The following ATP10B variants were observed in gnomAD, a reference collection of about 807,000 sequenced individuals.
The protein encoded by ATP10B is phospholipid-transporting ATPase VB.
A neutral mutation model predicts 141.2 loss-of-function variants in ATP10B; 122 were observed. The ratio of observed to expected loss-of-function variants is 0.86; its 90% CI spans 0.75 to 1.00. The LOEUF (loss-of-function observed/expected upper bound fraction) is 1.00. Among genes scored for constraint, ATP10B ranks in the 50% least tolerant of loss-of-function variants. The pLI is 0.00. For synonymous variants in ATP10B, 685 were observed against 692.0 expected (o/e 0.99, Z 0.16); for missense variants, 1,876 against 1,825.3 (o/e 1.03, Z -0.51).
At chr5:160,581,687 C>A (rs1225204898) in intron 24 of ATP10B, among the ~76,000 whole-genome samples, 2 of 152,180 alleles carry the variant, frequency 1.3e-5, no homozygotes, top group Non-Finnish European at 2.9e-5. Flanking sequence ...GAGCTGAGTT[C>A]AAGTCCTGAA....
chr5:160,627,472 T>C (rs1362671988), intron 13 of ATP10B, among the ~76,000 whole-genome samples: 2 of 152,234 alleles, frequency 1.3e-5, no homozygotes, highest in Non-Finnish European at 2.9e-5. Context: ...TAAAGAAATG[T>C]AGACACTGGC....
intron 16 of ATP10B, among the ~76,000 whole-genome samples, chr5:160,616,642 C>A (rs1054316106): frequency 6.6e-6 from 1 of 152,174 alleles, no homozygotes; most frequent in South Asian, 2.1e-4. Flanking sequence ...CCATTTTAGA[C>A]CCTCCTGTTG....
At chr5:160,814,482 A>G (rs187773159) in intron 1 of ATP10B, among the ~76,000 whole-genome samples, 2 of 151,412 alleles carry the variant, frequency 1.3e-5, no homozygotes, top group Admixed American at 6.6e-5. Context: ...ATATGGGACT[A>G]TGTGAAAAGA....
intron 10 of ATP10B, 51 bp downstream of exon 10, chr5:160,640,410 G>A: frequency 6.3e-7 from 1 of 1,584,858 alleles, no homozygotes; most frequent in East Asian, 2.3e-5. Flanking sequence ...GAAGAAACTT[G>A]CCCAAATAAA....
intron 18 of ATP10B, among the ~76,000 whole-genome samples, chr5:160,607,398 A>G (rs146856216): frequency 9.2e-5 from 14 of 152,344 alleles, no homozygotes; most frequent in African/African-American, 3.1e-4. Flanking sequence ...GTAGATAATG[A>G]CAATACGTCA....
chr5:160,839,005 C>G (rs994123083), intron 1 of ATP10B, among the ~76,000 whole-genome samples: 1 of 152,186 alleles, frequency 6.6e-6, no homozygotes, highest in African/African-American at 2.4e-5. Context: ...CAAGCTCCTG[C>G]TTTGCCTTCC....
chr5:160,652,921 A>AATATATTATATATACATGTAT (rs1760946393), intron 7 of ATP10B, among the ~76,000 whole-genome samples: 4 of 80,880 alleles, frequency 4.9e-5, no homozygotes, highest in South Asian at 6.9e-4. Context: ...ATGTATATAT[A>AATATATTATATATACATGTAT]ATATATTATA....
chr5:160,924,921 G>A, the ATP10B span, among the ~76,000 whole-genome samples: 1 of 152,180 alleles, frequency 6.6e-6, no homozygotes. Context: ...TTGTGTGGTT[G>A]CCTGCCCACA....
At chr5:160,602,728 G>A in intron 20 of ATP10B, 26 bp from the exon 21 acceptor site, 3 of 1,613,026 alleles carry the variant, frequency 1.9e-6, no homozygotes, top group Non-Finnish European at 2.5e-6. Context: ...AGACACATCA[G>A]CTTCCATCCA....
intron 13 of ATP10B, 76 bp from the exon 14 acceptor site, chr5:160,622,661 G>T: frequency 7.4e-7 from 1 of 1,354,718 alleles, no homozygotes; most frequent in South Asian, 1.3e-5. Context: ...CATGCCTGGG[G>T]AAAGGATGAT....
At chr5:160,891,093 C>T in the ATP10B span, among the ~76,000 whole-genome samples, 1,903 of 152,186 alleles carry the variant, frequency 0.013, 41 homozygotes, top group African/African-American at 0.044. Flanking sequence ...TGGAATTGTA[C>T]TGTAGTTCTC....
At chr5:160,887,323 A>G in the ATP10B span, among the ~76,000 whole-genome samples, 11 of 152,346 alleles carry the variant, frequency 7.2e-5, no homozygotes, top group African/African-American at 2.6e-4. Context: ...ATGTTATATA[A>G]ATAGTTGTTA....
chr5:160,874,006 A>G, the ATP10B span, among the ~76,000 whole-genome samples: 5 of 152,232 alleles, frequency 3.3e-5, no homozygotes, highest in African/African-American at 1.2e-4. Flanking sequence ...AAAGCAGCCC[A>G]GAAGTTCGAA....
chr5:160,688,907 G>T lies in ATP10B; in HGVS notation c.-168C>A. ...TAGATGGCTGGAGTTGGGGATAGGG[G>T]ATCCCTTTTCTTTTTCTCCACTCCA... On this transcript the variant is annotated 5_prime_UTR_variant, in exon 4 of 26. Transcript: ENST00000327245. 2.0e-6 allele frequency: 2 copies of T among 985,360 alleles called. No homozygotes were observed. Among genetic ancestry groups the T allele is most frequent in the Non-Finnish European group, 2.4e-6 (2 of 829,914 alleles). 61.0% of individuals were successfully genotyped at this position (985,360 alleles called of 1,614,324 possible). A position where few individuals can be genotyped will look rare whatever the true frequency, so the allele number is the denominator to read the frequency against.
intron 1 of ATP10B, among the ~76,000 whole-genome samples, chr5:160,799,878 T>C (rs1772253755): frequency 6.6e-6 from 1 of 152,222 alleles, no homozygotes; most frequent in African/African-American, 2.4e-5. Flanking sequence ...TTCTCATCCA[T>C]TCAAGATGAA....
chr5:160,864,797 G>A, the ATP10B span, among the ~76,000 whole-genome samples: 5 of 151,540 alleles, frequency 3.3e-5, no homozygotes, highest in African/African-American at 4.8e-5. Flanking sequence ...GAATCAAATC[G>A]AAAACTCAAT....
chr5:160,844,459 G>A (rs954969834), intron 1 of ATP10B, among the ~76,000 whole-genome samples: 3 of 152,020 alleles, frequency 2.0e-5, no homozygotes, highest in Non-Finnish European at 4.4e-5. Context: ...AGTGTCGTAG[G>A]AATTTTTTCA....
chr5:160,903,968 T>A, the ATP10B span, among the ~76,000 whole-genome samples: 1 of 152,108 alleles, frequency 6.6e-6, no homozygotes, highest in Non-Finnish European at 1.5e-5. Context: ...CTATGGGTCA[T>A]CCTCACCTGA....
rs151034110 is a variant in ATP10B at position 160,612,519 on chromosome 5, A to C, written c.2838+222T>G. 5.0e-4 allele frequency: 199 copies of C among 397,336 alleles called. 1 individual carries two copies. In the East Asian group the frequency reaches 7.1e-3, roughly 14 times the overall value. The allele number at this position is 397,336 out of a possible 1,614,324, so 24.6% of individuals were successfully genotyped here. A position where few individuals can be genotyped will look rare whatever the true frequency, so the allele number is the denominator to read the frequency against. On this transcript the variant is annotated intron_variant, in intron 18 of 25. Coordinates refer to ENST00000327245, the MANE Select transcript of ATP10B (RefSeq NM_025153.3). The stretch of plus-strand genomic sequence containing the variant: ...AAAACTTTCTAACAAGCAGTGCCAG[A>C]AGTAATGTAAAAGAGACCAGCTAGC...
Sources: gnomAD v4.1 joint callset for allele counts (sites outside exome capture counted in the v4.1 genomes callset) on GRCh38, gnomAD v4.1.1 for gene constraint, MANE v1.5 for transcripts, NCBI Gene and HGNC (gene_info 2026-07-23, HGNC 2026-07-21) for gene names.